MINAR1: variants seen among roughly 807,000 people sequenced by gnomAD.
MINAR1 encodes the protein major intrinsically disordered Notch2-binding receptor 1.
In MINAR1, 40 loss-of-function variants were observed where a neutral mutation model predicts 65.1. The observed-to-expected ratio is 0.61, with a 90% CI of 0.48 to 0.80. MINAR1 has a LOEUF of 0.80. Among genes scored for constraint, MINAR1 ranks in the 30% least tolerant of loss-of-function variants. The pLI is 0.00. For missense variants in MINAR1, 1,128 were observed against 1,148.0 expected (o/e 0.98, Z 0.25); for synonymous variants, 482 against 449.1 (o/e 1.07, Z -0.93).
rs62623596 is a variant in MINAR1 at position 79,464,187 on chromosome 15, C to A, written c.2553+866C>A. Among the ~76,000 whole-genome samples the A allele has an allele frequency of 1.2e-3, 184 of 152,316 alleles. 1 individual carries two copies. Among genetic ancestry groups the A allele is most frequent in the African/African-American group, 4.2e-3 (175 of 41,562 alleles). On this transcript the variant is annotated intron_variant, in intron 3 of 3. Transcript: ENST00000305428. The stretch of plus-strand genomic sequence containing the variant: ...ACTGGGTTTTCATCCAGGACTCTTT[C>A]GCTGTGTGACCTGAAGCATTCACTC...
At chr15:79,446,659 T>C (rs947492558) in intron 1 of MINAR1, among the ~76,000 whole-genome samples, 1 of 152,210 alleles carries the variant, frequency 6.6e-6, no homozygotes, top group Admixed American at 6.5e-5. Flanking sequence ...TGTTTAGGTA[T>C]CTAAGGGTGA....
intron 1 of MINAR1, among the ~76,000 whole-genome samples, chr15:79,452,678 CTG>C (rs1196649156): frequency 3.6e-5 from 4 of 111,038 alleles, no homozygotes; most frequent in Admixed American, 8.8e-5. Flanking sequence ...GGGTATGAGT[CTG>C]GGTGTGTGTG....
chr15:79,448,609 A>C lies in MINAR1; in HGVS notation c.-50-7489A>C, dbSNP rs2141285597. On this transcript the variant is annotated intron_variant, in intron 1 of 3. Coordinates refer to ENST00000305428, the MANE Select transcript of MINAR1 (RefSeq NM_015206.3). Reference sequence around the variant, plus strand: ...TTGCAGTGTGCTTTCGTGAGCGTGAAATGAGAACATTGTGGCTGTTATATC... The same window carrying C: ...TTGCAGTGTGCTTTCGTGAGCGTGACATGAGAACATTGTGGCTGTTATATC... Among the ~76,000 whole-genome samples the C allele has an allele frequency of 2.0e-5, 3 of 152,358 alleles. No homozygotes were observed. The South Asian group carries it at 6.2e-4, about 32-fold the overall frequency.
chr15:79,456,404 A>G lies in MINAR1; in HGVS notation c.257A>G (p.Asp86Gly). 6.2e-7 allele frequency: 1 copy of G among 1,614,202 alleles called. No individual in the cohort carries two copies. The highest frequency in any genetic ancestry group is 8.5e-7 in the Non-Finnish European group (1 of 1,180,050). Reference protein sequence around the residue: ...QQSKKIMVAADIVTIFNLIQM... With the variant: ...QQSKKIMVAAGIVTIFNLIQM... ...TCAAAGAAAATCATGGTGGCAGCAGATATTGTGACGATATTCAACCTGATC... is the reference window on the plus strand; with the variant it reads ...TCAAAGAAAATCATGGTGGCAGCAGGTATTGTGACGATATTCAACCTGATC... The change falls in exon 2 of 4, where the codon GAT becomes GGT. Residue 86 changes from aspartate (D) to glycine (G), a missense_variant. Asp to Gly is a moderately conservative substitution (Grantham distance 94, BLOSUM62 -1). Transcript: ENST00000305428.
chr15:79,459,807 C>A (rs1895582483), intron 2 of MINAR1, among the ~76,000 whole-genome samples: 2 of 152,152 alleles, frequency 1.3e-5, no homozygotes, highest in African/African-American at 2.4e-5. Context: ...CGGCTTACTG[C>A]ATGTGGTGTT....
upstream of MINAR1, among the ~76,000 whole-genome samples, chr15:79,430,219 T>G (rs1426593223): frequency 1.3e-5 from 2 of 152,172 alleles, no homozygotes; most frequent in African/African-American, 4.8e-5. Context: ...AATAAACCTC[T>G]AGCCGACCTC....
intron 1 of MINAR1, among the ~76,000 whole-genome samples, chr15:79,448,301 C>T (rs1005616923): frequency 6.6e-6 from 1 of 152,236 alleles, no homozygotes; most frequent in African/African-American, 2.4e-5. Flanking sequence ...AGTGTAACCC[C>T]TTCCCAACTC....
chr15:79,418,087 T>G, the MINAR1 span: 1 of 152,122 alleles, frequency 6.6e-6, no homozygotes, highest in Admixed American at 6.5e-5. Flanking sequence ...TGGGAAAAGG[T>G]AGAATTAATC....
the MINAR1 span, chr15:79,418,428 G>T: frequency 6.6e-6 from 1 of 152,194 alleles, no homozygotes; most frequent in Non-Finnish European, 1.5e-5. Context: ...GCATGGTTTC[G>T]CAGTCCCCTG....
At chr15:79,467,885 T>G (rs1895930657) in intron 3 of MINAR1, among the ~76,000 whole-genome samples, 1 of 152,154 alleles carries the variant, frequency 6.6e-6, no homozygotes, top group African/African-American at 2.4e-5. Context: ...CCCTTGAAGT[T>G]TGGAGTCTTG....
chr15:79,449,527 G>GCAAAAGGA, intron 1 of MINAR1, among the ~76,000 whole-genome samples: 1 of 152,284 alleles, frequency 6.6e-6, no homozygotes, highest in African/African-American at 2.4e-5. Flanking sequence ...GGGCAAAAGG[G>GCAAAAGGA]CAAGCTAGCA....
upstream of MINAR1, among the ~76,000 whole-genome samples, chr15:79,429,781 C>A (rs1210150671): frequency 6.6e-6 from 1 of 152,294 alleles, no homozygotes; most frequent in Middle Eastern, 3.4e-3. Flanking sequence ...GTAGTGCAGA[C>A]AAATAACCTT....
In MINAR1 at chr15:79,458,209, G is replaced by A. The variant is rs763878883; in HGVS notation, c.2062G>A (p.Gly688Arg). Residue 688 changes from glycine (G) to arginine (R), a missense_variant, in exon 2 of 4, where the codon GGG (glycine) becomes AGG (arginine). Transcript: ENST00000305428. ...NPDWCCSDAS[G>R]SNSESLRVKA... The stretch of plus-strand genomic sequence containing the variant: ...TGACTGGTGCTGCTCTGATGCTAGC[G>A]GGAGCAACAGTGAAAGCCTGCGGGT... The A allele has an allele frequency of 2.0e-5, 33 of 1,613,946 alleles. No homozygotes were observed. In the South Asian group the frequency reaches 2.5e-4, roughly 12 times the overall value.
Position 79,456,274 on chromosome 15 carries a change from C to T in MINAR1, c.127C>T (p.Leu43Phe). 1 of 1,614,160 alleles carries T rather than the reference C, an allele frequency of 6.2e-7. No homozygotes were observed. Among genetic ancestry groups the T allele is most frequent in the Non-Finnish European group, 8.5e-7 (1 of 1,180,034 alleles). ...CTGTGCCCGGTTCGACCTGTCGCAG[C>T]TTGCCAAACTGAGAAGTGTGCTCTT... ...SLCARFDLSQ[L>F]AKLRSVLFYT... Residue 43 changes from leucine (L) to phenylalanine (F), a missense_variant, in exon 2 of 4, where the codon CTT (leucine) becomes TTT (phenylalanine). Physicochemically the swap from Leu to Phe is conservative, Grantham distance 22. Coordinates refer to ENST00000305428, the MANE Select transcript of MINAR1 (RefSeq NM_015206.3).
At chr15:79,455,402 G>T (rs952155175) in intron 1 of MINAR1, among the ~76,000 whole-genome samples, 4 of 151,906 alleles carry the variant, frequency 2.6e-5, no homozygotes, top group Non-Finnish European at 5.9e-5. Flanking sequence ...CTAAATTGAG[G>T]TATTATTTAT....
chr15:79,465,891 T>A (rs1895831861), intron 3 of MINAR1, among the ~76,000 whole-genome samples: 1 of 152,054 alleles, frequency 6.6e-6, no homozygotes, highest in South Asian at 2.1e-4. Flanking sequence ...CATGTTTTCA[T>A]GCCAAGGAGA....
At chr15:79,466,616 C>T (rs908663172) in intron 3 of MINAR1, among the ~76,000 whole-genome samples, 10 of 152,120 alleles carry the variant, frequency 6.6e-5, no homozygotes, top group Non-Finnish European at 7.3e-5. Flanking sequence ...AGGTCAGATA[C>T]GGCCTGCAGG....
At chr15:79,432,181 C>T (rs1312636246), upstream of MINAR1, among the ~76,000 whole-genome samples, 1 of 152,082 alleles carries the variant, frequency 6.6e-6, no homozygotes, top group Non-Finnish European at 1.5e-5. Context: ...AGGCCGCGTC[C>T]CGGGGCCGCT....
chr15:79,449,655 C>T (rs907952486), intron 1 of MINAR1, among the ~76,000 whole-genome samples: 4 of 152,180 alleles, frequency 2.6e-5, no homozygotes, highest in African/African-American at 9.7e-5. Flanking sequence ...GACCTGGCCT[C>T]CCCTACCCTA....
Sources: allele counts gnomAD v4.1 joint callset (sites outside exome capture counted in the v4.1 genomes callset), GRCh38; gene constraint gnomAD v4.1.1; transcripts MANE v1.5; gene names NCBI Gene and HGNC (gene_info 2026-07-23, HGNC 2026-07-21).